Variants in ARID2 observed in about 807,000 individuals in gnomAD.
The protein encoded by ARID2 is AT-rich interaction domain 2.
ARID2 carries 32 observed loss-of-function variants against 184.6 expected under a neutral mutation model. That is an observed-to-expected ratio of 0.17 (90% CI 0.13 to 0.23). ARID2 has a LOEUF of 0.23. Ranked by LOEUF, ARID2 falls within the 10% of genes least tolerant of loss-of-function variation. The probability of loss-of-function intolerance (pLI) is 1.00; values close to 1 mark genes in which losing one functional copy is unlikely to be tolerated. For missense variants in ARID2, 1,696 were observed against 2,197.6 expected (o/e 0.77, Z 4.56); for synonymous variants, 836 against 772.6 (o/e 1.08, Z -1.36).
chr12:45,800,505 TAAAG>T (rs1328530979), intron 3 of ARID2, among the ~76,000 whole-genome samples: 4 of 102,660 alleles, frequency 3.9e-5, no homozygotes, highest in Admixed American at 2.0e-4. Context: ...CTTTTAGAGA[TAAAG>T]AAATTTATAA....
chr12:45,836,251 C>T (rs1304056656), intron 6 of ARID2, among the ~76,000 whole-genome samples: 1 of 152,100 alleles, frequency 6.6e-6, no homozygotes, highest in Non-Finnish European at 1.5e-5. Context: ...ACTCTTCCGC[C>T]CAGGCTGGAG....
chr12:45,730,873 CTTTTTTT>C, intron 2 of ARID2, among the ~76,000 whole-genome samples: 1 of 96,696 alleles, frequency 1.0e-5, no homozygotes, highest in Admixed American at 1.1e-4. Flanking sequence ...TCCTTTTGAA[CTTTTTTT>C]TTTTTTTTTT....
chr12:45,881,716 G>A, intron 16 of ARID2: 1 of 187,268 alleles, frequency 5.3e-6, no homozygotes, highest in Non-Finnish European at 1.1e-5. Context: ...CCCCAAGGCT[G>A]CCTGCTCCTT....
chr12:45,790,075 C>G (rs1190556235), intron 3 of ARID2, among the ~76,000 whole-genome samples: 1 of 152,160 alleles, frequency 6.6e-6, no homozygotes, highest in Non-Finnish European at 1.5e-5. Flanking sequence ...TTCCTCTATA[C>G]TTATAACTTA....
rs2138165283 is a variant in ARID2, at chr12:45,850,805, G to C, written c.2682G>C (p.Gln894His). ...CACAAGCCTCAAGGGTAGGGTTTCA[G>C]AACATTGCACCAAAACCTCTCCCTT... is the stretch of plus-strand genomic sequence containing the variant. ...PSPQASRVGF[Q>H]NIAPKPLPSQ... The change falls in exon 15 of 21, where the codon CAG becomes CAC. Residue 894 changes from glutamine to histidine, a missense_variant. Physicochemically the swap from Gln to His is conservative, Grantham distance 24 (BLOSUM62 0). This residue lies in a region of ARID2 where 713 missense variants were observed against 824.4 expected (regional missense o/e 0.86). Coordinates refer to ENST00000334344, the MANE Select transcript of ARID2 (RefSeq NM_152641.4). 6.2e-7 allele frequency: 1 copy of C among 1,614,100 alleles called. No homozygotes were observed. The highest frequency in any genetic ancestry group is 8.5e-7 in the Non-Finnish European group (1 of 1,180,010).
chr12:45,876,210 G>A (rs1565634398), intron 16 of ARID2, among the ~76,000 whole-genome samples: 2 of 152,134 alleles, frequency 1.3e-5, no homozygotes, highest in East Asian at 1.9e-4. Context: ...CCCTAAGGAT[G>A]GAGAGAGAGA....
intron 6 of ARID2, among the ~76,000 whole-genome samples, chr12:45,832,616 A>G (rs1199624546): frequency 1.3e-5 from 2 of 152,282 alleles, no homozygotes; most frequent in Middle Eastern, 3.4e-3. Context: ...AGCTGGGACT[A>G]TAGGCATCCA....
chr12:45,825,431 T>C (rs1942978285), intron 6 of ARID2, among the ~76,000 whole-genome samples: 1 of 152,140 alleles, frequency 6.6e-6, no homozygotes, highest in South Asian at 2.1e-4. Flanking sequence ...AAGGGAGTCA[T>C]TTTAGGAAAT....
chr12:45,842,261 A>G (rs1943357916), intron 11 of ARID2: 1 of 151,240 alleles, frequency 6.6e-6, no homozygotes, highest in Non-Finnish European at 1.5e-5. Context: ...ACGTATATGT[A>G]TATACATATA....
At chr12:45,810,133 A>T (rs1261473553) in intron 3 of ARID2, among the ~76,000 whole-genome samples, 1 of 152,232 alleles carries the variant, frequency 6.6e-6, no homozygotes, top group African/African-American at 2.4e-5. Context: ...GTAAGTCATT[A>T]TATATCAATC....
chr12:45,824,006 T>C (rs1942946786), intron 6 of ARID2, among the ~76,000 whole-genome samples: 1 of 152,126 alleles, frequency 6.6e-6, no homozygotes, highest in Admixed American at 6.6e-5. Flanking sequence ...GGTCAGTATC[T>C]GTGACGAACA....
intron 3 of ARID2, among the ~76,000 whole-genome samples, chr12:45,778,062 C>T (rs113518167): frequency 3.1e-4 from 47 of 151,992 alleles, no homozygotes; most frequent in South Asian, 2.7e-3. Flanking sequence ...AAAAATTAGC[C>T]GGGTGTGGTG....
chr12:45,731,542 A>C (rs1398538825), intron 3 of ARID2, among the ~76,000 whole-genome samples: 1 of 152,162 alleles, frequency 6.6e-6, no homozygotes, highest in Non-Finnish European at 1.5e-5. Flanking sequence ...ATTACAGGTG[A>C]CACCCCAGCC....
intron 3 of ARID2, among the ~76,000 whole-genome samples, chr12:45,747,164 A>T (rs1178964381): frequency 2.6e-5 from 4 of 152,230 alleles, no homozygotes; most frequent in African/African-American, 9.6e-5. Flanking sequence ...GAAGATAAGG[A>T]CTTCAAGGGA....
chr12:45,851,570 A>G lies in ARID2; in HGVS notation c.3447A>G (p.Gln1149=), dbSNP rs1277994788. The part of the protein sequence containing the change: ...GVQTVPISNL[Q]ILPGPLISNS... ...AAACTGTGCCCATTTCGAACTTACA[A>G]ATATTGCCAGGTCCACTGATCTCAA... The change falls in exon 15 of 21, where the codon CAA becomes CAG. Residue 1149 remains glutamine (Q), a synonymous_variant. Coordinates refer to ENST00000334344, the MANE Select transcript of ARID2 (RefSeq NM_152641.4). 1 of 1,614,026 alleles carries G rather than the reference A, an allele frequency of 6.2e-7. No homozygotes were observed. The highest frequency in any genetic ancestry group is 8.5e-7 in the Non-Finnish European group (1 of 1,180,002).
At chr12:45,885,060 G>A (rs1020099847) in intron 16 of ARID2, among the ~76,000 whole-genome samples, 1 of 151,432 alleles carries the variant, frequency 6.6e-6, no homozygotes, top group African/African-American at 2.4e-5. Flanking sequence ...CTTTAATAGT[G>A]TAGTTAGTAC....
intron 3 of ARID2, among the ~76,000 whole-genome samples, chr12:45,774,193 C>A (rs1168543034): frequency 6.6e-6 from 1 of 151,934 alleles, no homozygotes; most frequent in Non-Finnish European, 1.5e-5. Flanking sequence ...ATACCAAATA[C>A]TAGTTGTATT....
At position 45,851,876 on chromosome 12, in the gene ARID2, G is replaced by A. The variant is rs1199031655; in HGVS notation, c.3753G>A (p.Lys1251=). 2.5e-6 allele frequency: 4 copies of A among 1,614,084 alleles called. No individual in the cohort carries two copies. The East Asian group carries it at 6.7e-5, about 27-fold the overall frequency. The change falls in exon 15 of 21, where the codon AAG becomes AAA. Residue 1251 remains lysine, a synonymous_variant. Transcript: ENST00000334344. The part of the protein sequence containing the change: ...KIICQKEEEA[K]EATGLHVHER... ...TTTGCCAAAAGGAGGAGGAAGCAAAGGAAGCAACAGGTTTACATGTTCATG... is the reference window on the plus strand; with the variant it reads ...TTTGCCAAAAGGAGGAGGAAGCAAAAGAAGCAACAGGTTTACATGTTCATG...
At chr12:45,826,339 T>C in intron 6 of ARID2, among the ~76,000 whole-genome samples, 1 of 152,218 alleles carries the variant, frequency 6.6e-6, no homozygotes, top group East Asian at 1.9e-4. Context: ...GCTGGTAATA[T>C]TTGAATTAAT....
Sources: allele counts gnomAD v4.1 joint callset (sites outside exome capture counted in the v4.1 genomes callset), GRCh38; gene constraint gnomAD v4.1.1; regional missense constraint gnomAD v4.1.1; transcripts MANE v1.5; gene names NCBI Gene and HGNC (gene_info 2026-07-23, HGNC 2026-07-21).